The following NARS2 variants were observed in gnomAD, a reference collection of about 807,000 sequenced individuals.
The protein encoded by NARS2 is asparaginyl-tRNA synthetase.
NARS2 carries 60 observed loss-of-function variants against 62.9 expected under a neutral mutation model. The ratio of observed to expected loss-of-function variants is 0.95; its 90% CI spans 0.77 to 1.18. The LOEUF is 1.18. NARS2 is among the 50% of genes most tolerant of loss of function. NARS2 has a pLI of 0.00. For synonymous variants in NARS2, 196 were observed against 200.0 expected, an observed-to-expected ratio of 0.98 and a Z score of 0.17; for missense variants, 619 against 576.4, an observed-to-expected ratio of 1.07 and a Z score of -0.76.
chr11:78,470,868 C>T (rs1858841009), intron 9 of NARS2, among the ~76,000 whole-genome samples: 1 of 143,834 alleles, frequency 7.0e-6, no homozygotes, highest in Non-Finnish European at 1.5e-5. Context: ...TAAAATACTG[C>T]ATCAGTATTT....
rs780959102 is a variant in NARS2, at chr11:78,559,570, G to C, written c.563C>G (p.Ser188Cys). Residue 188 changes from serine (S) to cysteine (C), a missense_variant, in exon 5 of 14, where the codon TCT becomes TGT. By Grantham distance (112) the Ser-to-Cys change is moderately radical. Transcript: ENST00000281038. ...IHTPIITSND[S>C]EGAGELFQLE... is the part of the protein sequence containing the mutation. ...TTGAAAAAGTTCTCCAGCTCCCTCA[G>C]AGTCATTGGATGTGATTATTGGAGT... 3 of 1,613,264 alleles carry C rather than the reference G, an allele frequency of 1.9e-6. No individual in the cohort carries two copies. In the Admixed American group the frequency reaches 5.0e-5, roughly 27 times the overall value.
chr11:78,498,373 C>T (rs188279634), intron 6 of NARS2, among the ~76,000 whole-genome samples: 18 of 152,262 alleles, frequency 1.2e-4, no homozygotes, highest in East Asian at 3.9e-4. Context: ...TTTTACATGC[C>T]GCTTTAGCTG....
At chr11:78,446,950 A>G (rs928549933) in intron 11 of NARS2, among the ~76,000 whole-genome samples, 1 of 152,112 alleles carries the variant, frequency 6.6e-6, no homozygotes, top group Non-Finnish European at 1.5e-5. Context: ...TACATCTTAT[A>G]AGGGGTTAAT....
intron 7 of NARS2, among the ~76,000 whole-genome samples, chr11:78,480,282 T>C (rs1463763645): frequency 6.6e-6 from 1 of 152,174 alleles, no homozygotes; most frequent in African/African-American, 2.4e-5. Context: ...TTATTGTTTT[T>C]TTAGACGGAG....
chr11:78,530,889 A>G (rs1389557636), intron 5 of NARS2, among the ~76,000 whole-genome samples: 7 of 152,186 alleles, frequency 4.6e-5, no homozygotes, highest in African/African-American at 1.7e-4. Context: ...TTCCAATGTC[A>G]TGTTAGCGTT....
intron 11 of NARS2, among the ~76,000 whole-genome samples, chr11:78,448,319 C>CTT (rs72450922): frequency 0.22 from 30,873 of 140,808 alleles, 3,721 homozygotes; most frequent in East Asian, 0.4. Context: ...GTAGTAATCA[C>CTT]TTTTTTTTTT....
At chr11:78,562,111 A>G (rs1008863856) in intron 4 of NARS2, among the ~76,000 whole-genome samples, 4 of 152,170 alleles carry the variant, frequency 2.6e-5, no homozygotes, top group Non-Finnish European at 4.4e-5. Flanking sequence ...CAATTTGGAG[A>G]CATTCTACAC....
intron 10 of NARS2, among the ~76,000 whole-genome samples, chr11:78,467,542 A>T (rs996374616): frequency 6.7e-6 from 1 of 150,358 alleles, no homozygotes; most frequent in African/African-American, 2.4e-5. Flanking sequence ...TGTCTTTCAA[A>T]AAATAAATAA....
At chr11:78,454,455 GCTCT>G (rs1317605039) in intron 11 of NARS2, among the ~76,000 whole-genome samples, 2 of 151,986 alleles carry the variant, frequency 1.3e-5, no homozygotes, top group East Asian at 1.9e-4. Flanking sequence ...CTTCTTTCTT[GCTCT>G]CTGTTTTGCT....
chr11:78,500,743 T>C (rs1445772023), intron 6 of NARS2, among the ~76,000 whole-genome samples: 1 of 152,196 alleles, frequency 6.6e-6, no homozygotes, highest in Admixed American at 6.5e-5. Context: ...CTAGGTTGTA[T>C]CTACCAACGT....
At chr11:78,440,682 G>A (rs1275944351) in intron 13 of NARS2, among the ~76,000 whole-genome samples, 2 of 151,976 alleles carry the variant, frequency 1.3e-5, no homozygotes, top group East Asian at 3.9e-4. Flanking sequence ...ACAGGTGCCT[G>A]CCACCATACC....
intron 4 of NARS2, 75 bp from the exon 5 acceptor site, chr11:78,559,694 T>A: frequency 1.0e-6 from 1 of 974,334 alleles, no homozygotes; most frequent in Non-Finnish European, 1.6e-6. Context: ...TCTTATAGTA[T>A]TAAAATGGCA....
intron 11 of NARS2, among the ~76,000 whole-genome samples, chr11:78,445,451 T>C (rs1857725368): frequency 6.6e-6 from 1 of 152,088 alleles, no homozygotes; most frequent in Admixed American, 6.5e-5. Flanking sequence ...TGAAACCCCC[T>C]CTCTGCCAAA....
chr11:78,510,150 A>T (rs1427378583), intron 6 of NARS2, among the ~76,000 whole-genome samples: 2 of 152,210 alleles, frequency 1.3e-5, no homozygotes, highest in African/African-American at 4.8e-5. Context: ...CTTTAAATGT[A>T]AATGGATTAA....
chr11:78,533,356 T>G (rs1345701092), intron 5 of NARS2: 1 of 152,212 alleles, frequency 6.6e-6, no homozygotes, highest in African/African-American at 2.4e-5. Context: ...ATATTTGTGA[T>G]TTTTTCACTT....
chr11:78,563,215 A>ATTTTTTTT (rs71046983), intron 4 of NARS2, among the ~76,000 whole-genome samples: 1 of 115,708 alleles, frequency 8.6e-6, no homozygotes, highest in African/African-American at 3.4e-5. Flanking sequence ...AACCACTTGA[A>ATTTTTTTT]TTTTTTTTTT....
intron 5 of NARS2, among the ~76,000 whole-genome samples, chr11:78,543,564 C>T (rs570886795): frequency 6.6e-6 from 1 of 152,110 alleles, no homozygotes; most frequent in African/African-American, 2.4e-5. Context: ...ATGGAAATAA[C>T]CATTTGTAGG....
At chr11:78,508,595 A>C (rs1197350727) in intron 6 of NARS2, among the ~76,000 whole-genome samples, 2 of 151,530 alleles carry the variant, frequency 1.3e-5, no homozygotes, top group African/African-American at 4.9e-5. Flanking sequence ...CTCAAAAAAA[A>C]AAAACAAAAA....
chr11:78,567,864 T>A (rs1170592890), intron 3 of NARS2, among the ~76,000 whole-genome samples: 1 of 152,218 alleles, frequency 6.6e-6, no homozygotes, highest in Admixed American at 6.5e-5. Flanking sequence ...ATGGCTAGAA[T>A]ATAAATTTCA....
Sources: gnomAD v4.1 joint callset for allele counts (sites outside exome capture counted in the v4.1 genomes callset) on GRCh38, gnomAD v4.1.1 for gene constraint, MANE v1.5 for transcripts, NCBI Gene and HGNC (gene_info 2026-07-23, HGNC 2026-07-21) for gene names.